Variants in PID1 observed in about 807,000 individuals in gnomAD.
PID1 encodes the protein phosphotyrosine interaction domain containing 1.
PID1 carries 10 observed loss-of-function variants against 19.1 expected under a neutral mutation model. The ratio of observed to expected loss-of-function variants is 0.52; its 90% confidence interval spans 0.32 to 0.89. The LOEUF is 0.89. Ranked by LOEUF, PID1 falls within the 40% of genes least tolerant of loss-of-function variation. PID1 has a pLI of 0.03. For synonymous variants in PID1, 130 were observed against 116.0 expected (o/e 1.12, Z -0.78); for missense variants, 248 against 285.3 (o/e 0.87, Z 0.94).
At chr2:229,234,262 G>A (rs908785102) in intron 1 of PID1, among the ~76,000 whole-genome samples, 1 of 152,158 alleles carries the variant, frequency 6.6e-6, no homozygotes, top group African/African-American at 2.4e-5. Flanking sequence ...TTTAAAGCTG[G>A]TCAATTAAAG....
intron 1 of PID1, among the ~76,000 whole-genome samples, chr2:229,163,684 T>TGTGC (rs1553570277): frequency 0.023 from 1,829 of 77,986 alleles, 22 homozygotes; most frequent in South Asian, 0.039. Flanking sequence ...TGCGTGTGCG[T>TGTGC]GTGTGTGTGT....
chr2:229,092,286 T>C (rs1694891475), intron 2 of PID1, among the ~76,000 whole-genome samples: 1 of 152,140 alleles, frequency 6.6e-6, no homozygotes, highest in Admixed American at 6.5e-5. Flanking sequence ...GCAGCATGAC[T>C]GTAAGAAGTA....
At position 229,102,284 on chromosome 2, in the gene PID1, TA is replaced by T. The variant is rs559671277; in HGVS notation, c.177+53533del. On this transcript the variant is annotated intron_variant, in intron 2 of 2. Coordinates refer to ENST00000392055, the MANE Select transcript of PID1 (RefSeq NM_001100818.2). Reference sequence around the variant, plus strand: ...TATATAGAACTGTTCTATAACAAGTTAAAAAAAATACATTTAAAGACTCATC... The same window carrying T: ...TATATAGAACTGTTCTATAACAAGTTAAAAAAATACATTTAAAGACTCATC... 2.6e-4 allele frequency among the ~76,000 whole-genome samples: 40 copies of T among 150,988 alleles called. 2 individuals carry two copies. In the East Asian group the frequency reaches 5.6e-3, roughly 21 times the overall value.
chr2:229,118,837 A>AG (rs1695461634), intron 2 of PID1, among the ~76,000 whole-genome samples: 1 of 152,222 alleles, frequency 6.6e-6, no homozygotes, highest in Non-Finnish European at 1.5e-5. Flanking sequence ...GAGAAAAAAA[A>AG]CAAAACAAAA....
At chr2:229,229,751 T>G (rs1692162079) in intron 1 of PID1, among the ~76,000 whole-genome samples, 1 of 152,276 alleles carries the variant, frequency 6.6e-6, no homozygotes, top group Admixed American at 6.5e-5. Context: ...CCACAGGCTT[T>G]CAGATGGTTC....
intron 1 of PID1, among the ~76,000 whole-genome samples, chr2:229,214,480 A>C (rs1691803423): frequency 6.6e-6 from 1 of 152,160 alleles, no homozygotes; most frequent in African/African-American, 2.4e-5. Flanking sequence ...TCAATTAAAA[A>C]CAAATCTACA....
chr2:229,040,793 G>T (rs535935171), intron 2 of PID1, among the ~76,000 whole-genome samples: 2 of 152,276 alleles, frequency 1.3e-5, no homozygotes, highest in South Asian at 4.1e-4. Context: ...TTAGTTAGTA[G>T]GTTTATTTAT....
At chr2:229,199,467 G>A (rs1000253500) in intron 1 of PID1, among the ~76,000 whole-genome samples, 4 of 151,988 alleles carry the variant, frequency 2.6e-5, no homozygotes, top group African/African-American at 9.7e-5. Context: ...ACCTAGAGCA[G>A]TATCTGGCCC....
chr2:229,131,834 G>C (rs373256104), intron 2 of PID1, among the ~76,000 whole-genome samples: 1 of 151,940 alleles, frequency 6.6e-6, no homozygotes, highest in East Asian at 1.9e-4. Flanking sequence ...TCGGTGGAAA[G>C]ATGTGCTAAA....
At chr2:229,156,036 A>G in intron 1 of PID1, 72 bp from the exon 2 acceptor site, 1 of 1,395,834 alleles carries the variant, frequency 7.2e-7, no homozygotes, top group South Asian at 1.3e-5. Flanking sequence ...TGTACATTAA[A>G]CCCAGTAGCA....
intron 2 of PID1, among the ~76,000 whole-genome samples, chr2:229,111,123 T>C (rs1695290416): frequency 6.6e-6 from 1 of 152,170 alleles, no homozygotes; most frequent in African/African-American, 2.4e-5. Context: ...CCTTCCACCA[T>C]GATTATGAGG....
chr2:229,083,333 A>G (rs1694704216), intron 2 of PID1, among the ~76,000 whole-genome samples: 1 of 152,188 alleles, frequency 6.6e-6, no homozygotes, highest in South Asian at 2.1e-4. Context: ...CAAGGGCATA[A>G]AAAACTACTT....
At chr2:229,119,854 AAAGC>A (rs1201826904) in intron 2 of PID1, among the ~76,000 whole-genome samples, 1 of 152,186 alleles carries the variant, frequency 6.6e-6, no homozygotes, top group Admixed American at 6.5e-5. Flanking sequence ...TGAGGGCCTA[AAAGC>A]AAGAAAAATG....
At chr2:229,133,693 G>A (rs191258768) in intron 2 of PID1, among the ~76,000 whole-genome samples, 346 of 152,210 alleles carry the variant, frequency 2.3e-3, no homozygotes, top group Non-Finnish European at 4.2e-3. Flanking sequence ...GAGCCAATGA[G>A]ATAACTTAAA....
At chr2:229,091,079 ATAAG>A (rs1694866377) in intron 2 of PID1, among the ~76,000 whole-genome samples, 1 of 152,212 alleles carries the variant, frequency 6.6e-6, no homozygotes, top group African/African-American at 2.4e-5. Context: ...AACTTTATCT[ATAAG>A]TAATTACTTA....
At chr2:229,058,641 T>C (rs1344256519) in intron 2 of PID1, among the ~76,000 whole-genome samples, 1 of 151,682 alleles carries the variant, frequency 6.6e-6, no homozygotes, top group Non-Finnish European at 1.5e-5. Context: ...TCATTGCACT[T>C]TCAAAGAAAC....
At chr2:229,238,298 C>T (rs1427435929) in intron 1 of PID1, among the ~76,000 whole-genome samples, 1 of 152,108 alleles carries the variant, frequency 6.6e-6, no homozygotes, top group Non-Finnish European at 1.5e-5. Context: ...ATGAATTGCT[C>T]TCAAAATCAT....
At chr2:229,267,021 A>G (rs956328596) in intron 1 of PID1, among the ~76,000 whole-genome samples, 14 of 152,182 alleles carry the variant, frequency 9.2e-5, no homozygotes, top group African/African-American at 2.9e-4. Context: ...CATAGAGAAG[A>G]AAAATCTAGA....
chr2:229,041,186 A>G (rs890891041), intron 2 of PID1, among the ~76,000 whole-genome samples: 1 of 152,178 alleles, frequency 6.6e-6, no homozygotes, highest in Admixed American at 6.5e-5. Flanking sequence ...AGCCATCCCT[A>G]CTCAGACAGA....
Sources: allele counts gnomAD v4.1 joint callset (sites outside exome capture counted in the v4.1 genomes callset), GRCh38; gene constraint gnomAD v4.1.1; transcripts MANE v1.5; gene names NCBI Gene and HGNC (gene_info 2026-07-23, HGNC 2026-07-21).